Variants in XDH observed in about 807,000 individuals in gnomAD.
The protein encoded by XDH is xanthine dehydrogenase, also known as xanthine dehydrogenase/oxidase.
Under a neutral mutation model 156.1 loss-of-function variants are expected in XDH, and 138 were observed. That is an observed-to-expected ratio of 0.88 (90% CI 0.77 to 1.02). The LOEUF is 1.02. XDH is among the 50% of genes least tolerant of loss of function. The pLI is 0.00. For synonymous variants in XDH, 669 were observed against 625.7 expected, an observed-to-expected ratio of 1.07 and a Z score of -1.03; for missense variants, 1,849 against 1,684.9, an observed-to-expected ratio of 1.10 and a Z score of -1.71.
chr2:31,405,791 C>A, intron 2 of XDH, 116 bp downstream of exon 2: 1 of 1,143,622 alleles, frequency 8.7e-7, no homozygotes, highest in Non-Finnish European at 1.3e-6. Flanking sequence ...TAATCCAGTG[C>A]TCTTTCCTCC....
Position 31,372,386 on chromosome 2 carries a change from C to A in XDH, c.1698G>T (p.Lys566Asn). 1 of 1,614,062 alleles carries A rather than the reference C, an allele frequency of 6.2e-7. No individual in the cohort carries two copies. The highest frequency in any genetic ancestry group is 1.1e-5 in the South Asian group (1 of 91,086). The change falls in exon 17 of 36, where the codon AAG becomes AAT. Residue 566 changes from lysine to asparagine, a missense_variant. Lys to Asn is a moderately conservative substitution (Grantham distance 94). Transcript: ENST00000379416. Reference sequence around the variant, plus strand: ...CCACCATGTCCTCCTCAGACTGACCCTTGGGCACCTCCTGGAATGACAGGG... The same window carrying A: ...CCACCATGTCCTCCTCAGACTGACCATTGGGCACCTCCTGGAATGACAGGG... ...ADVQLFQEVP[K>N]GQSEEDMVGR... is the part of the protein sequence containing the mutation.
chr2:31,344,248 A>G (rs925879552), intron 31 of XDH, among the ~76,000 whole-genome samples: 1 of 152,236 alleles, frequency 6.6e-6, no homozygotes, highest in Non-Finnish European at 1.5e-5. Context: ...TCTATAAAAA[A>G]GTCCCACACA....
At chr2:31,397,839 T>C in intron 5 of XDH, 110 bp from the exon 6 acceptor site, 1 of 1,228,660 alleles carries the variant, frequency 8.1e-7, no homozygotes, top group Non-Finnish European at 1.2e-6. Flanking sequence ...AGGCTGCATA[T>C]TCTGTTACCT....
intron 16 of XDH, 106 bp from the exon 17 acceptor site, chr2:31,372,503 G>C: frequency 6.7e-7 from 1 of 1,495,978 alleles, no homozygotes; most frequent in South Asian, 1.2e-5. Context: ...AGGACACCAA[G>C]GGGTAAGAAT....
intron 1 of XDH, among the ~76,000 whole-genome samples, chr2:31,408,076 G>A (rs1008856817): frequency 6.6e-6 from 1 of 152,042 alleles, no homozygotes; most frequent in African/African-American, 2.4e-5. Context: ...ACATATTCAA[G>A]GTAACATCCA....
chr2:31,346,850 T>A lies in XDH; in HGVS notation c.3277-7A>T. ...AGATGGTCTGACAAGCCGCCTAAAG[T>A]AAACACCCCCCACACCCCAGACACA... On this transcript the variant is annotated splice_region_variant and splice_polypyrimidine_tract_variant and intron_variant, in intron 29 of 35. Coordinates refer to ENST00000379416, the MANE Select transcript of XDH (RefSeq NM_000379.4). 6.2e-7 allele frequency: 1 copy of A among 1,613,882 alleles called. No homozygotes were observed.
Position 31,349,004 on chromosome 2 carries a change from T to C in XDH, c.2970-24A>G, listed in dbSNP as rs45517831. ...CCCTAGAGAAAAAGGAATATTCTTA[T>C]AGAACCTTCGCTATCATATTGAGGA... On this transcript the variant is annotated intron_variant, in intron 26 of 35. Transcript: ENST00000379416. 36 of 1,600,636 alleles carry C rather than the reference T, an allele frequency of 2.2e-5. No individual in the cohort carries two copies. The African/African-American group carries it at 4.2e-4, about 18-fold the overall frequency.
intron 31 of XDH, among the ~76,000 whole-genome samples, chr2:31,343,784 T>A (rs998542358): frequency 2.1e-5 from 3 of 141,686 alleles, no homozygotes; most frequent in Non-Finnish European, 4.8e-5. Flanking sequence ...GTATATATGT[T>A]TATGCCTTAT....
chr2:31,340,063 T>G (rs1453118620), intron 33 of XDH, among the ~76,000 whole-genome samples: 1 of 152,244 alleles, frequency 6.6e-6, no homozygotes, highest in Non-Finnish European at 1.5e-5. Flanking sequence ...CCAGCCTTTT[T>G]GAACGCCCAC....
intron 14 of XDH, among the ~76,000 whole-genome samples, chr2:31,376,051 T>C (rs1991541): frequency 0.74 from 112,454 of 152,076 alleles, 41,706 homozygotes; most frequent in African/African-American, 0.8. Flanking sequence ...TAGGATAATG[T>C]TAGTGAAGTG....
chr2:31,362,514 AT>A (rs1685803154), intron 24 of XDH, among the ~76,000 whole-genome samples: 1 of 152,208 alleles, frequency 6.6e-6, no homozygotes, highest in Non-Finnish European at 1.5e-5. Flanking sequence ...ATAGAAGCAA[AT>A]ATCTAAACAT....
At chr2:31,369,441 A>G (rs1302647325) in intron 18 of XDH, among the ~76,000 whole-genome samples, 1 of 152,236 alleles carries the variant, frequency 6.6e-6, no homozygotes, top group Non-Finnish European at 1.5e-5. Flanking sequence ...AAAAGTAAAC[A>G]ACAAAAAATT....
At chr2:31,364,408 C>T (rs887317824) in intron 23 of XDH, among the ~76,000 whole-genome samples, 164 bp from the exon 24 acceptor site, 1 of 152,062 alleles carries the variant, frequency 6.6e-6, no homozygotes, top group Admixed American at 6.5e-5. Context: ...CAGAAGGTAA[C>T]AAGTGAAGAA....
intron 32 of XDH, 152 bp from the exon 33 acceptor site, chr2:31,341,546 A>T: frequency 1.2e-6 from 1 of 842,598 alleles, no homozygotes; most frequent in Non-Finnish European, 2.0e-6. Context: ...AGAAGTGTTG[A>T]TGTTCCCACC....
intron 24 of XDH, among the ~76,000 whole-genome samples, chr2:31,356,432 AGTGGATCC>A (rs2148761001): frequency 6.6e-6 from 1 of 152,318 alleles, no homozygotes; most frequent in African/African-American, 2.4e-5. Flanking sequence ...GAACCATTGG[AGTGGATCC>A]TAAATGCAAT....
At chr2:31,346,180 C>A (rs1685284145) in intron 30 of XDH, among the ~76,000 whole-genome samples, 2 of 152,204 alleles carry the variant, frequency 1.3e-5, no homozygotes, top group African/African-American at 4.8e-5. Context: ...CAGCCTCCCG[C>A]CTGCAAGAGA....
intron 24 of XDH, among the ~76,000 whole-genome samples, chr2:31,359,874 C>T (rs1420173467): frequency 6.6e-6 from 1 of 152,132 alleles, no homozygotes; most frequent in Non-Finnish European, 1.5e-5. Context: ...TAGCCCTAAA[C>T]ACAATTTAAT....
At chr2:31,402,977 A>C in intron 3 of XDH, 71 bp downstream of exon 3, 1 of 1,547,728 alleles carries the variant, frequency 6.5e-7, no homozygotes. Context: ...ACATACACTC[A>C]TGCACTCCCT....
intron 34 of XDH, among the ~76,000 whole-genome samples, chr2:31,338,246 G>A (rs1364236623): frequency 5.9e-5 from 9 of 152,252 alleles, no homozygotes; most frequent in East Asian, 3.9e-4. Context: ...TACAGCATCC[G>A]CAGGAATTAT....
Sources: allele counts gnomAD v4.1 joint callset (sites outside exome capture counted in the v4.1 genomes callset), GRCh38; gene constraint gnomAD v4.1.1; transcripts MANE v1.5; gene names NCBI Gene and HGNC (gene_info 2026-07-23, HGNC 2026-07-21).